Variants in GABRB2 observed in about 807,000 individuals in gnomAD.
GABRB2 encodes the protein gamma-aminobutyric acid receptor subunit beta-2.
GABRB2 carries 16 observed loss-of-function variants against 54.7 expected under a neutral mutation model. The ratio of observed to expected loss-of-function variants is 0.29; its 90% CI spans 0.20 to 0.44. The LOEUF (loss-of-function observed/expected upper bound fraction) is 0.44. Ranked by LOEUF, GABRB2 falls within the 20% of genes least tolerant of loss-of-function variation. The probability of loss-of-function intolerance (pLI) is 1.00; values close to 1 mark genes in which losing one functional copy is unlikely to be tolerated. For synonymous variants in GABRB2, 244 were observed against 233.8 expected, an observed-to-expected ratio of 1.04 and a Z score of -0.40; for missense variants, 355 against 644.0, an observed-to-expected ratio of 0.55 and a Z score of 4.86.
intron 4 of GABRB2, among the ~76,000 whole-genome samples, chr5:161,421,126 G>T (rs1196694496): frequency 6.6e-6 from 1 of 152,096 alleles, no homozygotes; most frequent in Non-Finnish European, 1.5e-5. Flanking sequence ...GTGTGTATTT[G>T]CTTAATTGCT....
intron 4 of GABRB2, among the ~76,000 whole-genome samples, chr5:161,458,765 A>G (rs189300193): frequency 6.6e-6 from 1 of 152,336 alleles, no homozygotes; most frequent in East Asian, 1.9e-4. Flanking sequence ...ATAATGCATG[A>G]AAGCACTTAG....
At chr5:161,472,595 C>T (rs1758476093) in intron 3 of GABRB2, among the ~76,000 whole-genome samples, 1 of 151,906 alleles carries the variant, frequency 6.6e-6, no homozygotes, top group Non-Finnish European at 1.5e-5. Flanking sequence ...TGCAGGTATA[C>T]ACGTGCTCCT....
intron 3 of GABRB2, among the ~76,000 whole-genome samples, chr5:161,511,721 T>C (rs1476957460): frequency 6.6e-6 from 1 of 151,974 alleles, no homozygotes; most frequent in East Asian, 1.9e-4. Flanking sequence ...GAGGGAAGAA[T>C]CTGTTCCAGA....
intron 5 of GABRB2, among the ~76,000 whole-genome samples, chr5:161,368,644 G>T (rs2113464012): frequency 6.6e-6 from 1 of 152,254 alleles, no homozygotes. Context: ...TGGACAAACT[G>T]ATGTATACAA....
intron 5 of GABRB2, among the ~76,000 whole-genome samples, chr5:161,375,271 G>A (rs1381622540): frequency 6.6e-6 from 1 of 152,122 alleles, no homozygotes; most frequent in African/African-American, 2.4e-5. Flanking sequence ...AATTGGCCAG[G>A]GGACTAAATC....
At chr5:161,398,670 GT>G (rs141573028) in intron 5 of GABRB2, among the ~76,000 whole-genome samples, 24 of 148,034 alleles carry the variant, frequency 1.6e-4, no homozygotes, top group African/African-American at 5.0e-4. Context: ...TTGTTTGTCT[GT>G]TTTTTTTGTT....
rs571855336 is a variant in GABRB2 at position 161,448,698 on chromosome 5, C to A, written c.458+10926G>T. On this transcript the variant is annotated intron_variant, in intron 4 of 9. Coordinates refer to ENST00000393959, the MANE Select transcript of GABRB2 (RefSeq NM_001371727.1). The stretch of plus-strand genomic sequence containing the variant: ...AGAACAGATTTTCAAAATTTCTATA[C>A]CTCAAATTACAAACTATATTGCATG... 2.6e-5 allele frequency among the ~76,000 whole-genome samples: 4 copies of A among 152,234 alleles called. No homozygotes were observed. In the East Asian group the frequency reaches 5.8e-4, roughly 22 times the overall value.
At chr5:161,519,278 G>A (rs1760043025) in intron 3 of GABRB2, among the ~76,000 whole-genome samples, 1 of 152,124 alleles carries the variant, frequency 6.6e-6, no homozygotes, top group African/African-American at 2.4e-5. Context: ...TTTTCATTAT[G>A]TTCATCTCAA....
intron 5 of GABRB2, among the ~76,000 whole-genome samples, chr5:161,409,281 G>A (rs1756436523): frequency 6.6e-6 from 1 of 152,000 alleles, no homozygotes; most frequent in Non-Finnish European, 1.5e-5. Context: ...CCCTATAGTT[G>A]TAAAGACGGA....
intron 8 of GABRB2, chr5:161,327,041 GACACACACACACACAC>G (rs150178203): frequency 1.8e-5 from 9 of 495,690 alleles, no homozygotes; most frequent in African/African-American, 2.4e-5. Context: ...ATTCCATTAG[GACACACACACACACAC>G]ACACACACAC....
intron 5 of GABRB2, among the ~76,000 whole-genome samples, chr5:161,382,942 G>A (rs895219486): frequency 3.3e-5 from 5 of 152,140 alleles, no homozygotes; most frequent in African/African-American, 1.2e-4. Context: ...AATCCAAAGA[G>A]CCTCTGCTCA....
At chr5:161,348,422 A>G (rs1451326845) in intron 5 of GABRB2, among the ~76,000 whole-genome samples, 1 of 152,018 alleles carries the variant, frequency 6.6e-6, no homozygotes, top group African/African-American at 2.4e-5. Flanking sequence ...GGATTCTCAC[A>G]TTTGCTTCTA....
At chr5:161,361,540 A>G (rs988163430) in intron 5 of GABRB2, among the ~76,000 whole-genome samples, 2 of 152,112 alleles carry the variant, frequency 1.3e-5, no homozygotes, top group African/African-American at 4.8e-5. Context: ...TATATTTTCT[A>G]TTTCTGTATA....
chr5:161,382,087 T>G (rs1008858658), intron 5 of GABRB2, among the ~76,000 whole-genome samples: 1 of 152,140 alleles, frequency 6.6e-6, no homozygotes, highest in African/African-American at 2.4e-5. Context: ...GCTGTGCAAA[T>G]GAAGAAAATA....
intron 3 of GABRB2, among the ~76,000 whole-genome samples, chr5:161,511,548 G>A (rs1358410580): frequency 1.3e-5 from 2 of 151,982 alleles, no homozygotes; most frequent in Non-Finnish European, 2.9e-5. Context: ...TATTATGTAT[G>A]TCTTGTTTTC....
rs761229229 is a variant in GABRB2 at position 161,336,728 on chromosome 5, C to T, written c.583G>A (p.Asp195Asn). ...GTTACTCCTGTTACTGCATTATCAT[C>T]GCCACGCCAGTAAAACTCAATGTCA... ...TDDIEFYWRGDDNAVTGVTKI... is the reference protein window; with the variant it reads ...TDDIEFYWRGNDNAVTGVTKI... The change falls in exon 6 of 10, where the codon GAT becomes AAT. Residue 195 changes from aspartate to asparagine, a missense_variant. Around this residue, in one of 6 missense-constraint regions of GABRB2, gnomAD observed 30 missense variants for 33.7 expected, o/e 0.89. Coordinates refer to ENST00000393959, the MANE Select transcript of GABRB2 (RefSeq NM_001371727.1). 1.2e-5 allele frequency: 19 copies of T among 1,612,170 alleles called. No individual in the cohort carries two copies. The highest frequency in any genetic ancestry group is 3.3e-4 in the Middle Eastern group (2 of 6,082).
intron 3 of GABRB2, 98 bp downstream of exon 3, chr5:161,545,129 T>C (rs1760938266): frequency 2.6e-6 from 2 of 775,912 alleles, no homozygotes; most frequent in Non-Finnish European, 4.2e-6. Context: ...CTCATACACA[T>C]AGCCAAGCAC....
chr5:161,432,636 T>G (rs1757201693), intron 4 of GABRB2, among the ~76,000 whole-genome samples: 1 of 152,308 alleles, frequency 6.6e-6, no homozygotes, highest in East Asian at 1.9e-4. Flanking sequence ...AGTTTAAAAC[T>G]TTTTATTGAA....
Position 161,372,206 on chromosome 5 carries a change from A to G in GABRB2, c.542-35437T>C, listed in dbSNP as rs992390086. Among the ~76,000 whole-genome samples, 6 of 152,108 alleles carry G rather than the reference A, an allele frequency of 3.9e-5. No homozygotes were observed. In the East Asian group the frequency reaches 9.6e-4, roughly 24 times the overall value. ...TACTTGCCAAAATTTTCAGGTCCTC[A>G]TTTTATATAATTGAACTTGCAACTT... On this transcript the variant is annotated intron_variant, in intron 5 of 9. Transcript: ENST00000393959.
Sources: allele counts gnomAD v4.1 joint callset (sites outside exome capture counted in the v4.1 genomes callset), GRCh38; gene constraint gnomAD v4.1.1; regional missense constraint gnomAD v4.1.1; transcripts MANE v1.5; gene names NCBI Gene and HGNC (gene_info 2026-07-23, HGNC 2026-07-21).